The following PTPN14 variants were observed in gnomAD, a reference collection of about 807,000 sequenced individuals.
The protein encoded by PTPN14 is protein tyrosine phosphatase non-receptor type 14.
A neutral mutation model predicts 126.8 loss-of-function variants in PTPN14; 53 were observed. The ratio of observed to expected loss-of-function variants is 0.42; its 90% CI spans 0.34 to 0.53. The LOEUF (loss-of-function observed/expected upper bound fraction) is 0.53. Ranked by LOEUF, PTPN14 falls within the 20% of genes least tolerant of loss-of-function variation. The probability of loss-of-function intolerance (pLI) is 0.08; values close to 1 mark genes in which losing one functional copy is unlikely to be tolerated. For missense variants in PTPN14, 1,257 were observed against 1,552.9 expected, an observed-to-expected ratio of 0.81 and a Z score of 3.20; for synonymous variants, 630 against 599.3, an observed-to-expected ratio of 1.05 and a Z score of -0.75.
At chr1:214,376,105 G>C in intron 15 of PTPN14, 114 bp downstream of exon 15, 1 of 940,098 alleles carries the variant, frequency 1.1e-6, no homozygotes, top group Non-Finnish European at 1.6e-6. Context: ...AATCCCTGAG[G>C]GTCTGGGGAC....
chr1:214,442,686 A>G (rs1177092305), intron 3 of PTPN14, among the ~76,000 whole-genome samples: 1 of 152,260 alleles, frequency 6.6e-6, no homozygotes, highest in Non-Finnish European at 1.5e-5. Flanking sequence ...GGGAAAGAAT[A>G]TCAGAGAAAC....
chr1:214,369,736 C>T (rs1658169889), intron 16 of PTPN14, 45 bp from the exon 17 acceptor site: 2 of 1,526,764 alleles, frequency 1.3e-6, no homozygotes, highest in African/African-American at 1.4e-5. Context: ...TCAAGGGAAG[C>T]TCTCATCCTT....
Position 214,451,854 on chromosome 1 carries a change from C to G in PTPN14, c.295G>C (p.Val99Leu). Residue 99 changes from valine (V) to leucine (L), a missense_variant, in exon 3 of 19, where the codon GTC becomes CTC. Val to Leu is a conservative substitution (Grantham distance 32). This residue lies in a region of PTPN14 where 1,021 missense variants were observed against 1,183.3 expected (regional missense o/e 0.86). Coordinates refer to ENST00000366956, the MANE Select transcript of PTPN14 (RefSeq NM_005401.5). ...FANEPLLFFG[V>L]MFYVPNVSWL... ...GACACATTTGGCACATAGAACATGA[C>G]TCCAAAGAAAAGCAAAGGCTCATTA... 1 of 1,614,210 alleles carries G rather than the reference C, an allele frequency of 6.2e-7. No individual in the cohort carries two copies. The highest frequency in any genetic ancestry group is 8.5e-7 in the Non-Finnish European group (1 of 1,180,038).
At chr1:214,438,837 T>C (rs1659976706) in intron 3 of PTPN14, among the ~76,000 whole-genome samples, 1 of 152,200 alleles carries the variant, frequency 6.6e-6, no homozygotes, top group Admixed American at 6.5e-5. Context: ...AGTATATCTT[T>C]TCATTTAAAA....
intron 1 of PTPN14, among the ~76,000 whole-genome samples, chr1:214,501,962 A>G (rs111721596): frequency 0.35 from 53,412 of 150,956 alleles, 13,376 homozygotes; most frequent in African/African-American, 0.7. Flanking sequence ...GGGAGGCTGA[A>G]GCAGGAGAAT....
At chr1:214,380,377 C>T (rs1658444466) in intron 13 of PTPN14, among the ~76,000 whole-genome samples, 2 of 152,072 alleles carry the variant, frequency 1.3e-5, no homozygotes, top group Non-Finnish European at 2.9e-5. Context: ...TCTCTTTGAT[C>T]CTTCTCACTC....
Position 214,402,437 on chromosome 1 carries a change from C to CAA in PTPN14, c.581+444_581+445dup, listed in dbSNP as rs1165595746. The stretch of plus-strand genomic sequence containing the variant: ...CCTGGGTGACAGAGCGAGACTCTGT[C>CAA]AAAAAAAAAAAAAAAAAAAAAAGCC... On this transcript the variant is annotated intron_variant, in intron 6 of 18. Transcript: ENST00000366956. Among the ~76,000 whole-genome samples the CAA allele has an allele frequency of 5.5e-3, 263 of 48,102 alleles. 26 individuals are homozygous for CAA. Among genetic ancestry groups the CAA allele is most frequent in the Non-Finnish European group, 7.6e-3 (200 of 26,176 alleles). 31.6% of individuals were successfully genotyped at this position (48,102 alleles called of 152,430 possible). A position where few individuals can be genotyped will look rare whatever the true frequency, so the allele number is the denominator to read the frequency against.
rs189603111 is a variant in PTPN14 at position 214,395,186 on chromosome 1, C to T, written c.759-200G>A. Among the ~76,000 whole-genome samples the T allele has an allele frequency of 8.0e-4, 122 of 152,288 alleles. 1 individual carries two copies. Among genetic ancestry groups the T allele is most frequent in the African/African-American group, 2.7e-3 (111 of 41,568 alleles). On this transcript the variant is annotated intron_variant, in intron 8 of 18. Transcript: ENST00000366956. ...ATTGCTAAAAATTCTACATAAAATA[C>T]GTCTAGACATCGCTATTTATAAACT...
chr1:214,369,425 T>C (rs1401874740), intron 17 of PTPN14, 32 bp downstream of exon 17: 5 of 1,583,184 alleles, frequency 3.2e-6, no homozygotes, highest in Non-Finnish European at 4.3e-6. Context: ...TAAAAGTCAG[T>C]CAGGTAGCAG....
At chr1:214,468,859 T>G (rs550285164) in intron 1 of PTPN14, among the ~76,000 whole-genome samples, 8 of 152,360 alleles carry the variant, frequency 5.3e-5, no homozygotes, top group Non-Finnish European at 8.8e-5. Flanking sequence ...ACAGGTAATC[T>G]TTTCTGTCTG....
At chr1:214,378,213 A>C in intron 13 of PTPN14, 111 bp from the exon 14 acceptor site, 3 of 1,358,362 alleles carry the variant, frequency 2.2e-6, no homozygotes, top group South Asian at 3.0e-5. Context: ...GCAGACAATC[A>C]CCATCAGTAG....
chr1:214,492,618 G>A (rs1661275425), intron 1 of PTPN14, among the ~76,000 whole-genome samples: 1 of 152,182 alleles, frequency 6.6e-6, no homozygotes, highest in Non-Finnish European at 1.5e-5. Flanking sequence ...TACAAAGAAT[G>A]TGTTGTCGGC....
intron 1 of PTPN14, among the ~76,000 whole-genome samples, chr1:214,521,899 T>C (rs1655267867): frequency 6.6e-6 from 1 of 152,152 alleles, no homozygotes; most frequent in Non-Finnish European, 1.5e-5. Flanking sequence ...TGTTGTTTTT[T>C]TTTTTACTTA....
At chr1:214,483,533 ATACT>A (rs1216855531) in intron 1 of PTPN14, 1 of 630,432 alleles carries the variant, frequency 1.6e-6, no homozygotes, top group East Asian at 2.7e-5. Context: ...TTTGTAAAAT[ATACT>A]TACTCTACTG....
chr1:214,405,230 C>A (rs968536734), intron 5 of PTPN14, among the ~76,000 whole-genome samples: 1 of 152,192 alleles, frequency 6.6e-6, no homozygotes, highest in Admixed American at 6.5e-5. Context: ...CCCAGCTGGA[C>A]GTAAGCATTT....
At chr1:214,519,875 C>G (rs751822186) in intron 1 of PTPN14, among the ~76,000 whole-genome samples, 27 of 151,652 alleles carry the variant, frequency 1.8e-4, no homozygotes, top group Admixed American at 6.6e-4. Context: ...AAAGAAAGTT[C>G]TGTCTCTACA....
chr1:214,492,525 A>G (rs1425945992), intron 1 of PTPN14, among the ~76,000 whole-genome samples: 4 of 152,250 alleles, frequency 2.6e-5, no homozygotes, highest in African/African-American at 9.6e-5. Flanking sequence ...AGTTTTGTGT[A>G]TACGTTGGGA....
At chr1:214,437,406 T>C (rs959137628) in intron 3 of PTPN14, among the ~76,000 whole-genome samples, 5 of 152,162 alleles carry the variant, frequency 3.3e-5, no homozygotes, top group Non-Finnish European at 7.4e-5. Context: ...CCAGTTTTTA[T>C]TATTCTTATA....
intron 1 of PTPN14, among the ~76,000 whole-genome samples, chr1:214,516,830 A>T (rs1315015573): frequency 6.6e-6 from 1 of 152,008 alleles, no homozygotes; most frequent in Admixed American, 6.6e-5. Context: ...AGGCACACAC[A>T]TTCCTTTGCT....
Sources: allele counts gnomAD v4.1 joint callset (sites outside exome capture counted in the v4.1 genomes callset), GRCh38; gene constraint gnomAD v4.1.1; regional missense constraint gnomAD v4.1.1; transcripts MANE v1.5; gene names NCBI Gene and HGNC (gene_info 2026-07-23, HGNC 2026-07-21).